CUBN: variants seen among roughly 807,000 people sequenced by gnomAD.
The protein encoded by CUBN is 460 kDa receptor.
A neutral mutation model predicts 405.3 loss-of-function variants in CUBN; 282 were observed. The observed-to-expected ratio is 0.70, with a 90% CI of 0.63 to 0.77. CUBN has a LOEUF of 0.77. CUBN is among the 30% of genes least tolerant of loss of function. The probability of loss-of-function intolerance (pLI) is 0.00; values close to 1 mark genes in which losing one functional copy is unlikely to be tolerated. For missense variants in CUBN, 4,514 were observed against 4,475.2 expected (o/e 1.01, Z -0.25); for synonymous variants, 1,684 against 1,617.0 (o/e 1.04, Z -0.99).
In CUBN at chr10:16,925,325, C is replaced by T. The variant is rs374765382; in HGVS notation, c.6562G>A (p.Asp2188Asn). Reference sequence around the variant, plus strand: ...ATAAACTGAACAAACATTTGATTATCCGAGGTGAACAGAGTTGATGAAGCA... The same window carrying T: ...ATAAACTGAACAAACATTTGATTATTCGAGGTGAACAGAGTTGATGAAGCA... The part of the protein sequence containing the change: ...SHASSTLFTS[D>N]NQMFVQFISD... The change falls in exon 43 of 67, where the codon GAT (aspartate) becomes AAT (asparagine). Residue 2188 changes from aspartate (D) to asparagine (N), a missense_variant. By Grantham distance (23) the Asp-to-Asn change is conservative. Coordinates refer to ENST00000377833, the MANE Select transcript of CUBN (RefSeq NM_001081.4). 1.5e-5 allele frequency: 24 copies of T among 1,613,694 alleles called. No individual in the cohort carries two copies. The African/African-American group carries it at 2.8e-4, about 19-fold the overall frequency.
intron 31 of CUBN, among the ~76,000 whole-genome samples, chr10:16,976,499 TA>T (rs1833100147): frequency 3.9e-5 from 4 of 102,524 alleles, no homozygotes; most frequent in African/African-American, 7.7e-5. Context: ...TCTTTGTTAT[TA>T]TTATTTTTTT....
At chr10:16,993,631 T>C (rs983488798) in intron 28 of CUBN, among the ~76,000 whole-genome samples, 12 of 152,008 alleles carry the variant, frequency 7.9e-5, no homozygotes, top group Non-Finnish European at 1.5e-4. Context: ...ATAGCACATA[T>C]ATGTATGCTT....
At chr10:16,882,885 G>A (rs1840702692) in intron 56 of CUBN, among the ~76,000 whole-genome samples, 1 of 152,010 alleles carries the variant, frequency 6.6e-6, no homozygotes. Context: ...ATGGTGTCTG[G>A]TGCCTGTAAT....
At chr10:16,891,476 C>T (rs1378305179) in intron 54 of CUBN, among the ~76,000 whole-genome samples, 1 of 152,064 alleles carries the variant, frequency 6.6e-6, no homozygotes, top group Non-Finnish European at 1.5e-5. Context: ...AGGAAGCCTG[C>T]AGAGGGGGCT....
Position 16,925,164 on chromosome 10 carries a change from A to G in CUBN, c.6646+77T>C, listed in dbSNP as rs1040031702. On this transcript the variant is annotated intron_variant, in intron 43 of 66. Coordinates refer to ENST00000377833, the MANE Select transcript of CUBN (RefSeq NM_001081.4). ...TTATTAATTCTATTACTGTTGGTTC[A>G]GAAAAGAAAATTTTATATCAAAGAA... 7 of 1,277,778 alleles carry G rather than the reference A, an allele frequency of 5.5e-6. No individual in the cohort carries two copies. In the African/African-American group the frequency reaches 1.0e-4, roughly 19 times the overall value. 79.2% of individuals were successfully genotyped at this position (1,277,778 alleles called of 1,614,324 possible).
chr10:17,066,180 G>A (rs1433257304), intron 21 of CUBN, among the ~76,000 whole-genome samples: 1 of 152,092 alleles, frequency 6.6e-6, no homozygotes, highest in Non-Finnish European at 1.5e-5. Context: ...GGAATCTATT[G>A]TCCTTAAACA....
intron 28 of CUBN, among the ~76,000 whole-genome samples, chr10:17,008,952 G>A (rs563869077): frequency 1.7e-4 from 26 of 152,142 alleles, no homozygotes; most frequent in Admixed American, 1.2e-3. Flanking sequence ...CATGATTTAC[G>A]TCTTGCATTT....
intron 17 of CUBN, among the ~76,000 whole-genome samples, chr10:17,073,734 C>A (rs1163458656): frequency 6.6e-6 from 1 of 152,210 alleles, no homozygotes; most frequent in African/African-American, 2.4e-5. Flanking sequence ...GCGTGAGCCA[C>A]TGCGCCCGGC....
At chr10:17,019,535 C>T (rs1834436855) in intron 28 of CUBN, among the ~76,000 whole-genome samples, 1 of 152,204 alleles carries the variant, frequency 6.6e-6, no homozygotes, top group Non-Finnish European at 1.5e-5. Flanking sequence ...TACCCAGGTT[C>T]AACTCTTCAT....
At chr10:16,922,066 G>C (rs925728609) in intron 43 of CUBN, among the ~76,000 whole-genome samples, 2 of 151,970 alleles carry the variant, frequency 1.3e-5, no homozygotes, top group African/African-American at 2.4e-5. Flanking sequence ...TTCACCATAT[G>C]GCATATTATA....
At chr10:16,959,813 G>A (rs7906242) in intron 31 of CUBN, among the ~76,000 whole-genome samples, 59,348 of 151,970 alleles carry the variant, frequency 0.39, 11,871 homozygotes, top group African/African-American at 0.46. Flanking sequence ...GGCAAAGCTA[G>A]CAAATGATAT....
At chr10:17,031,085 G>A (rs1834776482) in intron 27 of CUBN, among the ~76,000 whole-genome samples, 1 of 151,954 alleles carries the variant, frequency 6.6e-6, no homozygotes, top group Admixed American at 6.6e-5. Context: ...TTTTCTTAAC[G>A]GAGCTTTGAG....
chr10:16,935,879 C>CAAAAAAAAAAAAAA (rs369098280), intron 39 of CUBN, among the ~76,000 whole-genome samples: 12 of 71,300 alleles, frequency 1.7e-4, no homozygotes, highest in African/African-American at 2.2e-4. Context: ...GACTCCATCT[C>CAAAAAAAAAAAAAA]AAAAAAAAAA....
chr10:17,081,430 C>T (rs1298959427), intron 17 of CUBN, among the ~76,000 whole-genome samples: 1 of 152,164 alleles, frequency 6.6e-6, no homozygotes, highest in East Asian at 1.9e-4. Flanking sequence ...CAGTAAAGGA[C>T]AAAGTCAACC....
chr10:16,988,348 A>C (rs1486269557), intron 29 of CUBN, among the ~76,000 whole-genome samples: 1 of 152,182 alleles, frequency 6.6e-6, no homozygotes, highest in Non-Finnish European at 1.5e-5. Flanking sequence ...CATGGATGCT[A>C]GTCCTACTTT....
intron 54 of CUBN, 116 bp from the exon 55 acceptor site, chr10:16,890,643 A>C: frequency 9.9e-7 from 1 of 1,008,692 alleles, no homozygotes; most frequent in Admixed American, 1.7e-5. Flanking sequence ...ATAAGAGTAA[A>C]CAAAACATGG....
At chr10:16,892,221 C>T (rs1336918438) in intron 54 of CUBN, among the ~76,000 whole-genome samples, 1 of 152,142 alleles carries the variant, frequency 6.6e-6, no homozygotes, top group Non-Finnish European at 1.5e-5. Context: ...TGTTAGTCAT[C>T]CTACTGAAGA....
intron 22 of CUBN, 142 bp from the exon 23 acceptor site, chr10:17,047,745 T>C (rs958520922): frequency 7.9e-5 from 59 of 744,078 alleles, no homozygotes; most frequent in Middle Eastern, 3.9e-4. Flanking sequence ...AAAGACTTCA[T>C]TCTGAAACAA....
intron 31 of CUBN, among the ~76,000 whole-genome samples, chr10:16,957,133 T>C (rs999240227): frequency 1.3e-5 from 2 of 152,300 alleles, no homozygotes; most frequent in African/African-American, 4.8e-5. Flanking sequence ...TCAGAACTTA[T>C]TCCTCTTACC....
Sources: allele counts gnomAD v4.1 joint callset (sites outside exome capture counted in the v4.1 genomes callset), GRCh38; gene constraint gnomAD v4.1.1; transcripts MANE v1.5; gene names NCBI Gene and HGNC (gene_info 2026-07-23, HGNC 2026-07-21).